KLHL5: variants seen among roughly 807,000 people sequenced by gnomAD.
KLHL5 encodes the protein kelch-like protein 5.
A neutral mutation model predicts 77.7 loss-of-function variants in KLHL5; 48 were observed. That is an observed-to-expected ratio of 0.62 (90% confidence interval 0.49 to 0.79). KLHL5 has a LOEUF of 0.79. Ranked by LOEUF, KLHL5 falls within the 30% of genes least tolerant of loss-of-function variation. The probability of loss-of-function intolerance (pLI) is 0.00; values close to 1 mark genes in which losing one functional copy is unlikely to be tolerated. For missense variants in KLHL5, 723 were observed against 859.7 expected (o/e 0.84, Z 1.99); for synonymous variants, 260 against 297.0 (o/e 0.88, Z 1.28).
Position 39,086,801 on chromosome 4 carries a change from C to G in KLHL5, c.1113+74C>G, listed in dbSNP as rs1384270064. 2.2e-5 allele frequency: 24 copies of G among 1,099,410 alleles called. 1 individual carries two copies. In the South Asian group the frequency reaches 2.6e-4, roughly 12 times the overall value. The allele number at this position is 1,099,410 out of a possible 1,614,324, so 68.1% of individuals were successfully genotyped here. A position where few individuals can be genotyped will look rare whatever the true frequency, so the allele number is the denominator to read the frequency against. On this transcript the variant is annotated intron_variant, in intron 5 of 10. Transcript: ENST00000504108. ...CAAAGAAAATAATTGTACATGTATT[C>G]CTATGAAACGTGTAGGTGAAAAGAT...
rs950632230 is a variant in KLHL5, at chr4:39,081,668, T to G, written c.704-295T>G. Among the ~76,000 whole-genome samples, 1 of 143,830 alleles carries G rather than the reference T, an allele frequency of 7.0e-6. No homozygotes were observed. The highest frequency in any genetic ancestry group is 2.6e-5 in the African/African-American group (1 of 38,576). The allele number at this position is 143,830 out of a possible 152,430, so 94.4% of individuals were successfully genotyped here. A position where few individuals can be genotyped will look rare whatever the true frequency, so the allele number is the denominator to read the frequency against. ...CTGGGCAATAGAACAAGACCGTGTC[T>G]CAAAAAAAAAAAAAAATTGAGAGTT... On this transcript the variant is annotated intron_variant, in intron 3 of 10. Transcript: ENST00000504108. The surrounding 1 kb of genome is among the most constrained non-coding windows in gnomAD (Gnocchi z 4.3).
At position 39,062,399 on chromosome 4, in the gene KLHL5, G is replaced by A; in HGVS notation, c.-254G>A. The A allele has an allele frequency of 6.8e-7, 1 of 1,465,192 alleles. No homozygotes were observed. Among genetic ancestry groups the A allele is most frequent in the South Asian group, 1.4e-5 (1 of 69,500 alleles). The allele number at this position is 1,465,192 out of a possible 1,614,324, so 90.8% of individuals were successfully genotyped here. On this transcript the variant is annotated 5_prime_UTR_variant, in exon 1 of 11. In the 5' UTR this introduces an upstream ATG that the reference lacks. Transcript: ENST00000504108. The stretch of plus-strand genomic sequence containing the variant: ...AAGTGGTCTAGCTGCTTCAGGATAG[G>A]TGGATGAGAGTTTGCTCTGATTGAA...
the KLHL5 span, among the ~76,000 whole-genome samples, chr4:39,140,509 C>T: frequency 3.7e-4 from 56 of 152,302 alleles, no homozygotes; most frequent in East Asian, 9.8e-3. Context: ...TTAAACTATA[C>T]TTTCAATTTT....
At chr4:39,052,663 G>T (rs1354841823) in intron 1 of KLHL5, among the ~76,000 whole-genome samples, 1 of 152,212 alleles carries the variant, frequency 6.6e-6, no homozygotes, top group African/African-American at 2.4e-5. Context: ...AGAGGATTTA[G>T]ACTTGAAGTT....
At chr4:39,098,903 C>A (rs1721312082) in intron 6 of KLHL5, among the ~76,000 whole-genome samples, 1 of 152,052 alleles carries the variant, frequency 6.6e-6, no homozygotes, top group Non-Finnish European at 1.5e-5. Flanking sequence ...AAAAAAATAC[C>A]TACATAGCAA....
the KLHL5 span, among the ~76,000 whole-genome samples, chr4:39,139,563 T>C: frequency 2.6e-5 from 4 of 152,076 alleles, no homozygotes; most frequent in African/African-American, 7.2e-5. Flanking sequence ...GATGCATCAA[T>C]GTGGGCCTCA....
intron 8 of KLHL5, among the ~76,000 whole-genome samples, chr4:39,108,050 C>T (rs1377459695): frequency 6.6e-6 from 1 of 151,076 alleles, no homozygotes; most frequent in Non-Finnish European, 1.5e-5. Flanking sequence ...AGTATATTAT[C>T]TATATTATGT....
At position 39,081,151 on chromosome 4, in the gene KLHL5, T is replaced by C; in HGVS notation, c.615T>C (p.Asn205=). 6.2e-7 allele frequency: 1 copy of C among 1,612,778 alleles called. No homozygotes were observed. The highest frequency in any genetic ancestry group is 1.1e-5 in the South Asian group (1 of 90,920). Residue 205 remains asparagine (N), a synonymous_variant, in exon 3 of 11, where the codon AAT becomes AAC. Coordinates refer to ENST00000504108, the MANE Select transcript of KLHL5 (RefSeq NM_015990.5). This position sits in a 1 kb window ranked among gnomAD's most constrained non-coding sequence, Gnocchi z 4.3. ...ACTATTTTGCTGCCATGTTTACTAA[T>C]GATGTCAGAGAGGCAAGACAAGAAG... The part of the protein sequence containing the change: ...VSDYFAAMFT[N]DVREARQEEI...
chr4:39,135,737 C>G, the KLHL5 span: 1 of 152,130 alleles, frequency 6.6e-6, no homozygotes, highest in East Asian at 1.9e-4. Context: ...AACCCTGTCT[C>G]TACTAAAAAT....
intron 9 of KLHL5, 71 bp downstream of exon 9, chr4:39,113,303 G>T: frequency 1.5e-6 from 2 of 1,292,862 alleles, no homozygotes; most frequent in East Asian, 4.8e-5. Flanking sequence ...CATATATTTG[G>T]AGAACGTGTT....
the KLHL5 span, among the ~76,000 whole-genome samples, chr4:39,138,671 G>A: frequency 2.6e-5 from 4 of 152,094 alleles, no homozygotes; most frequent in African/African-American, 9.7e-5. Context: ...TAATACCTGA[G>A]TGATTAATTA....
chr4:39,047,369 G>A (rs747878953), intron 1 of KLHL5, among the ~76,000 whole-genome samples: 11 of 152,222 alleles, frequency 7.2e-5, no homozygotes, highest in Non-Finnish European at 1.6e-4. Context: ...AGTGAGCTGA[G>A]ATGGTGCCAC....
intron 5 of KLHL5, among the ~76,000 whole-genome samples, 177 bp downstream of exon 5, chr4:39,086,904 CTTTTT>C (rs71643263): frequency 3.8e-5 from 3 of 78,352 alleles, no homozygotes; most frequent in Non-Finnish European, 4.5e-5. Flanking sequence ...AAGTAACATT[CTTTTT>C]TTTTTTTTTT....
In KLHL5 at chr4:39,064,930, C is replaced by T. The variant is rs79601611; in HGVS notation, c.383+1895C>T. ...CTCAAGAAGACTCATCAAAGTAAGACGGGTGTGGACAGTTTACATCTTCAG... is the reference window on the plus strand; with the variant it reads ...CTCAAGAAGACTCATCAAAGTAAGATGGGTGTGGACAGTTTACATCTTCAG... On this transcript the variant is annotated intron_variant, in intron 1 of 10. Transcript: ENST00000504108. Among the ~76,000 whole-genome samples the T allele has an allele frequency of 2.9e-3, 436 of 151,894 alleles. 1 individual carries two copies. Among genetic ancestry groups the T allele is most frequent in the South Asian group, 0.012 (59 of 4,812 alleles).
intron 2 of KLHL5, among the ~76,000 whole-genome samples, chr4:39,078,800 C>G (rs1207110588): frequency 1.3e-5 from 2 of 152,038 alleles, no homozygotes; most frequent in Non-Finnish European, 2.9e-5. Context: ...GTACAGTGTA[C>G]TCTGCTTGGA....
intron 7 of KLHL5, among the ~76,000 whole-genome samples, chr4:39,105,737 TACACACACACACACACACAC>T (rs10536180): frequency 1.4e-5 from 2 of 146,626 alleles, no homozygotes; most frequent in Admixed American, 6.8e-5. Flanking sequence ...TATATATGTA[TACACACACACACACACACAC>T]ACACACACAC....
At chr4:39,051,407 G>A (rs1716634734) in intron 1 of KLHL5, among the ~76,000 whole-genome samples, 1 of 151,570 alleles carries the variant, frequency 6.6e-6, no homozygotes, top group Non-Finnish European at 1.5e-5. Context: ...TAAAAGCTGT[G>A]TATGAGATTA....
intron 5 of KLHL5, among the ~76,000 whole-genome samples, chr4:39,096,323 T>C (rs934739399): frequency 1.3e-5 from 2 of 152,120 alleles, no homozygotes; most frequent in Non-Finnish European, 2.9e-5. Flanking sequence ...CAACTCCTAC[T>C]TATAATTATT....
At chr4:39,075,937 C>CA (rs1158290294) in intron 1 of KLHL5, 28 bp from the exon 2 acceptor site, 1 of 1,576,064 alleles carries the variant, frequency 6.3e-7, no homozygotes, top group Non-Finnish European at 8.6e-7. Flanking sequence ...AGTGATATTT[C>CA]AAAATGTGTG....
Sources: gnomAD v4.1 joint callset for allele counts (sites outside exome capture counted in the v4.1 genomes callset) on GRCh38, gnomAD v4.1.1 for gene constraint, Gnocchi (gnomAD v3.1) non-coding constraint, MANE v1.5 for transcripts, NCBI Gene and HGNC (gene_info 2026-07-23, HGNC 2026-07-21) for gene names.